Variants in NAALADL2 observed in about 807,000 individuals in gnomAD.
The protein encoded by NAALADL2 is inactive N-acetylated-alpha-linked acidic dipeptidase-like protein 2.
NAALADL2 carries 76 observed loss-of-function variants against 87.2 expected under a neutral mutation model. That is an observed-to-expected ratio of 0.87 (90% CI 0.72 to 1.05). The LOEUF is 1.05. NAALADL2 is among the 50% of genes least tolerant of loss of function. The pLI, the probability that NAALADL2 is intolerant of heterozygous loss-of-function variation, is 0.00. For synonymous variants in NAALADL2, 354 were observed against 331.0 expected, an observed-to-expected ratio of 1.07 and a Z score of -0.75; for missense variants, 1,089 against 945.8, an observed-to-expected ratio of 1.15 and a Z score of -1.99.
intron 1 of NAALADL2, among the ~76,000 whole-genome samples, chr3:175,074,661 A>G (rs1716258668): frequency 6.6e-6 from 1 of 152,080 alleles, no homozygotes; most frequent in Non-Finnish European, 1.5e-5. Flanking sequence ...TATATTAAAA[A>G]TAGTCTTTGT....
chr3:175,619,301 GA>G (rs2149694804), intron 10 of NAALADL2, among the ~76,000 whole-genome samples: 1 of 147,758 alleles, frequency 6.8e-6, no homozygotes. Flanking sequence ...AAGGAAGGAA[GA>G]GAAAGAAAAA....
chr3:175,719,221 CA>C (rs372495246), intron 11 of NAALADL2, among the ~76,000 whole-genome samples: 22,587 of 130,752 alleles, frequency 0.17, 1,768 homozygotes, highest in Middle Eastern at 0.21. Flanking sequence ...ATGGGGGTTA[CA>C]AAAAAAAAAA....
intron 1 of NAALADL2, among the ~76,000 whole-genome samples, chr3:174,944,758 G>A (rs2108486091): frequency 6.6e-6 from 1 of 152,232 alleles, no homozygotes; most frequent in Admixed American, 6.5e-5. Flanking sequence ...GGCTCACGAG[G>A]GGATCTCCTC....
intron 5 of NAALADL2, among the ~76,000 whole-genome samples, chr3:175,352,883 G>A (rs1055626583): frequency 4.5e-4 from 68 of 152,042 alleles, no homozygotes; most frequent in African/African-American, 1.5e-3. Context: ...TTCGTCCAAC[G>A]TGAGCTCTCA....
chr3:174,828,555 G>A lies in NAALADL2; in HGVS notation c.-9+90809G>A, dbSNP rs145266759. Among the ~76,000 whole-genome samples the A allele has an allele frequency of 8.8e-3, 1,343 of 152,254 alleles. 7 individuals carry two copies. The highest frequency in any genetic ancestry group is 0.013 in the Non-Finnish European group (893 of 68,022). On this transcript the variant is annotated intron_variant, in intron 3 of 3. Transcript: ENST00000434257. ...TAAAGGCTATGCCTTCAGAAAGACT[G>A]AAACTAATTAAAACAAAACAAAACA...
At chr3:174,689,350 T>C (rs1728342835) in intron 2 of NAALADL2, among the ~76,000 whole-genome samples, 1 of 151,870 alleles carries the variant, frequency 6.6e-6, no homozygotes, top group Admixed American at 6.6e-5. Flanking sequence ...AGAATACCAA[T>C]TGTTTCATGA....
chr3:175,618,201 C>G (rs1725617612), intron 10 of NAALADL2, among the ~76,000 whole-genome samples: 1 of 152,142 alleles, frequency 6.6e-6, no homozygotes, highest in African/African-American at 2.4e-5. Context: ...TGAAAACTTG[C>G]CAGGAACCCC....
chr3:175,028,178 C>T (rs999939536), intron 1 of NAALADL2, among the ~76,000 whole-genome samples: 2 of 152,022 alleles, frequency 1.3e-5, no homozygotes, highest in African/African-American at 4.8e-5. Flanking sequence ...GTGTTTGAGT[C>T]ACTGATTCTT....
At chr3:175,133,053 C>T (rs1309895358) in intron 2 of NAALADL2, among the ~76,000 whole-genome samples, 3 of 150,998 alleles carry the variant, frequency 2.0e-5, no homozygotes, top group African/African-American at 4.9e-5. Flanking sequence ...GACGGGGCGG[C>T]GGGGCAGAGG....
At chr3:175,788,384 C>A (rs1752369782) in intron 13 of NAALADL2, among the ~76,000 whole-genome samples, 1 of 152,070 alleles carries the variant, frequency 6.6e-6, no homozygotes, top group Non-Finnish European at 1.5e-5. Flanking sequence ...AGCCACTGTG[C>A]CAAGCCATTT....
At chr3:175,394,842 C>A (rs1171355176) in intron 5 of NAALADL2, among the ~76,000 whole-genome samples, 3 of 152,170 alleles carry the variant, frequency 2.0e-5, no homozygotes, top group Admixed American at 2.0e-4. Flanking sequence ...GTCTGAGGTG[C>A]AACAGCAAAA....
chr3:174,981,713 T>C (rs546005997), intron 1 of NAALADL2, among the ~76,000 whole-genome samples: 31 of 152,302 alleles, frequency 2.0e-4, no homozygotes, highest in African/African-American at 6.5e-4. Context: ...ATATTTTTTT[T>C]CTTATCTGTA....
At chr3:175,491,837 A>T (rs1728143271) in intron 9 of NAALADL2, among the ~76,000 whole-genome samples, 2 of 152,242 alleles carry the variant, frequency 1.3e-5, no homozygotes, top group South Asian at 4.1e-4. Context: ...TACAAATGTT[A>T]TCAGTTTTTG....
In NAALADL2 at chr3:175,095,794, G is replaced by A. The variant is rs530919337; in HGVS notation, c.44-996G>A. 2.6e-5 allele frequency among the ~76,000 whole-genome samples: 4 copies of A among 152,232 alleles called. No homozygotes were observed. In the South Asian group the frequency reaches 6.2e-4, roughly 24 times the overall value. On this transcript the variant is annotated intron_variant, in intron 1 of 13. Coordinates refer to ENST00000454872, the MANE Select transcript of NAALADL2 (RefSeq NM_207015.3). ...ACACAGAAAAATCATAAAACATAGT[G>A]AGGGATCTAAGATCCAGCTGGGGTG...
At chr3:175,367,313 T>TTC (rs1765759996) in intron 5 of NAALADL2, among the ~76,000 whole-genome samples, 1 of 151,570 alleles carries the variant, frequency 6.6e-6, no homozygotes, top group Non-Finnish European at 1.5e-5. Context: ...AGCTTTGTTC[T>TTC]TTTGGCTTAG....
intron 13 of NAALADL2, among the ~76,000 whole-genome samples, chr3:175,780,896 T>G (rs1468122903): frequency 6.6e-6 from 1 of 152,196 alleles, no homozygotes; most frequent in Non-Finnish European, 1.5e-5. Flanking sequence ...TTTTGTGCCT[T>G]CCTTGCTATG....
At chr3:174,591,104 A>G (rs1042497611) in intron 2 of NAALADL2, among the ~76,000 whole-genome samples, 7 of 152,182 alleles carry the variant, frequency 4.6e-5, no homozygotes, top group Non-Finnish European at 1.0e-4. Context: ...GAAGGCTGGG[A>G]AGGAGACTGA....
chr3:175,259,676 A>G (rs1750674907), intron 4 of NAALADL2, among the ~76,000 whole-genome samples: 1 of 152,212 alleles, frequency 6.6e-6, no homozygotes, highest in African/African-American at 2.4e-5. Flanking sequence ...TAAATGTTCT[A>G]TAATTGTTGT....
chr3:174,643,263 A>G (rs1324511310), intron 2 of NAALADL2, among the ~76,000 whole-genome samples: 1 of 152,184 alleles, frequency 6.6e-6, no homozygotes, highest in Non-Finnish European at 1.5e-5. Flanking sequence ...TGAAGGGACA[A>G]TAAACAAGTA....
Sources: gnomAD v4.1 joint callset for allele counts (sites outside exome capture counted in the v4.1 genomes callset) on GRCh38, gnomAD v4.1.1 for gene constraint, MANE v1.5 for transcripts, NCBI Gene and HGNC (gene_info 2026-07-23, HGNC 2026-07-21) for gene names.